Variants in PRKCZ observed in about 807,000 individuals in gnomAD.
The protein encoded by PRKCZ is protein kinase C zeta.
In PRKCZ, 33 loss-of-function variants were observed where a neutral mutation model predicts 79.5. The observed-to-expected ratio is 0.41, with a 90% CI of 0.31 to 0.55. The LOEUF is 0.55. Ranked by LOEUF, PRKCZ falls within the 20% of genes least tolerant of loss-of-function variation. PRKCZ has a pLI of 0.19. For missense variants in PRKCZ, 578 were observed against 813.5 expected, an observed-to-expected ratio of 0.71 and a Z score of 3.52; for synonymous variants, 342 against 320.9, an observed-to-expected ratio of 1.07 and a Z score of -0.70.
chr1:2,163,619 G>C (rs1324872139), intron 10 of PRKCZ, among the ~76,000 whole-genome samples: 1 of 152,170 alleles, frequency 6.6e-6, no homozygotes, highest in Non-Finnish European at 1.5e-5. Flanking sequence ...GGCCGGGTGC[G>C]GTGGCTCACG....
chr1:2,066,846 A>G (rs1016311403), intron 4 of PRKCZ, among the ~76,000 whole-genome samples: 1 of 152,250 alleles, frequency 6.6e-6, no homozygotes, highest in Non-Finnish European at 1.5e-5. Context: ...ACTTGAGGCC[A>G]GGAGTTGGAG....
At chr1:2,109,434 A>G (rs369663557) in intron 4 of PRKCZ, among the ~76,000 whole-genome samples, 10 of 152,316 alleles carry the variant, frequency 6.6e-5, no homozygotes, top group African/African-American at 2.4e-4. Flanking sequence ...TGCACACGAT[A>G]CCTGCTCCGT....
intron 5 of PRKCZ, chr1:2,142,614 T>C: frequency 4.4e-6 from 1 of 226,690 alleles, no homozygotes. Context: ...CCCACGGTCC[T>C]GGTGTGGCTC....
Position 2,163,695 on chromosome 1 carries a change from C to T in PRKCZ, c.975-5823C>T, listed in dbSNP as rs542056428. 3.0e-4 allele frequency among the ~76,000 whole-genome samples: 45 copies of T among 151,902 alleles called. No homozygotes were observed. The South Asian group carries it at 7.1e-3, about 24-fold the overall frequency. On this transcript the variant is annotated intron_variant, in intron 10 of 17. Coordinates refer to ENST00000378567, the MANE Select transcript of PRKCZ (RefSeq NM_002744.6). ...CACGAGGTCAGGAGATCAAGACCAT[C>T]CTCGCTAACACAGTGAAGCCCCGTC...
chr1:2,161,822 A>G lies in PRKCZ; in HGVS notation c.974+5730A>G, dbSNP rs150213047. Among the ~76,000 whole-genome samples the G allele has an allele frequency of 4.6e-3, 695 of 152,188 alleles. 2 individuals are homozygous for G. The highest frequency in any genetic ancestry group is 9.4e-3 in the Admixed American group (143 of 15,288). The stretch of plus-strand genomic sequence containing the variant: ...CATGGTTCCCAGGATGAGCAGGGAT[A>G]GGGGTGGCAGCCCTGGAGCCACCTG... On this transcript the variant is annotated intron_variant, in intron 10 of 17. Transcript: ENST00000378567.
At chr1:2,144,711 G>A in intron 6 of PRKCZ, 2 of 910,772 alleles carry the variant, frequency 2.2e-6, no homozygotes, top group Non-Finnish European at 2.7e-6. Flanking sequence ...GGCACGCTGA[G>A]GCTCCGAACA....
In PRKCZ at chr1:2,075,931, C is replaced by T. The variant is rs1662325993; in HGVS notation, c.334+16340C>T. Among the ~76,000 whole-genome samples, 1 of 152,242 alleles carries T rather than the reference C, an allele frequency of 6.6e-6. No homozygotes were observed. Among genetic ancestry groups the T allele is most frequent in the Non-Finnish European group, 1.5e-5 (1 of 68,036 alleles). ...CACACGTTTCTGATCGCCGAGGACT[C>T]AGCCGGGCACATGGAGGTTGAACTG... On this transcript the variant is annotated intron_variant, in intron 4 of 17. Transcript: ENST00000378567. This position sits in a 1 kb window ranked among gnomAD's most constrained non-coding sequence, Gnocchi z 4.8.
chr1:2,114,050 G>A (rs943922382), intron 4 of PRKCZ, among the ~76,000 whole-genome samples: 3 of 152,184 alleles, frequency 2.0e-5, no homozygotes, highest in African/African-American at 4.8e-5. Context: ...CGTGTGGCGC[G>A]TGGGTGAGGG....
At chr1:2,114,346 A>G (rs1178528111) in intron 4 of PRKCZ, among the ~76,000 whole-genome samples, 1 of 152,260 alleles carries the variant, frequency 6.6e-6, no homozygotes, top group Non-Finnish European at 1.5e-5. Context: ...GTTGGACAAA[A>G]AAGGAATATG....
chr1:2,050,811 C>T (rs1571052950), intron 1 of PRKCZ, 110 bp downstream of exon 1: 1 of 699,090 alleles, frequency 1.4e-6, no homozygotes, highest in African/African-American at 1.9e-5. Context: ...GCGGCGAGGT[C>T]GCTGCGGGCC....
rs1452858857 is a variant in PRKCZ, at chr1:2,094,460, C to T, written c.334+34869C>T. On this transcript the variant is annotated intron_variant, in intron 4 of 17. Coordinates refer to ENST00000378567, the MANE Select transcript of PRKCZ (RefSeq NM_002744.6). The surrounding 1 kb of genome is among the most constrained non-coding windows in gnomAD (Gnocchi z 7.3). ...TCTGAGGCACCCGCTGTGCCCGGCT[C>T]GTTGAACCTTGGGCGCTGCCCGTTC... Among the ~76,000 whole-genome samples the T allele has an allele frequency of 2.0e-5, 3 of 147,970 alleles. No individual in the cohort carries two copies. The highest frequency in any genetic ancestry group is 5.0e-5 in the African/African-American group (2 of 39,650).
intron 4 of PRKCZ, among the ~76,000 whole-genome samples, chr1:2,096,937 G>A (rs1391780051): frequency 6.6e-6 from 1 of 152,220 alleles, no homozygotes; most frequent in African/African-American, 2.4e-5. Context: ...GTCCTAACAG[G>A]GCTTGTCACT....
intron 4 of PRKCZ, among the ~76,000 whole-genome samples, chr1:2,115,489 C>T (rs891987609): frequency 2.0e-5 from 3 of 152,210 alleles, no homozygotes; most frequent in African/African-American, 4.8e-5. Flanking sequence ...GCCACTCTGG[C>T]GCCAGCTGGG....
chr1:2,158,568 T>A (rs1681575463), intron 10 of PRKCZ, among the ~76,000 whole-genome samples: 2 of 152,234 alleles, frequency 1.3e-5, no homozygotes, highest in Admixed American at 1.3e-4. Context: ...CCCTTGCGAT[T>A]TGGGAATACG....
intron 4 of PRKCZ, among the ~76,000 whole-genome samples, chr1:2,114,726 A>T (rs1670394073): frequency 6.6e-6 from 1 of 152,092 alleles, no homozygotes; most frequent in South Asian, 2.1e-4. Context: ...GTGGGCCGAG[A>T]TCGTGCCACT....
chr1:2,102,714 A>G (rs1436215509), intron 4 of PRKCZ, among the ~76,000 whole-genome samples: 3 of 152,004 alleles, frequency 2.0e-5, no homozygotes, highest in Non-Finnish European at 2.9e-5. Context: ...CTTTATTTCA[A>G]CTTTGTAGAA....
Position 2,176,301 on chromosome 1 carries a change from G to A in PRKCZ, c.1575+988G>A, listed in dbSNP as rs1222465857. On this transcript the variant is annotated intron_variant, in intron 16 of 17. Transcript: ENST00000378567. ...GGGTTTTGCCGGACTGTAGGCTGGC[G>A]TGTGTCTGTCAGGTTAAGGCAGGTA... is the stretch of plus-strand genomic sequence containing the variant. Among the ~76,000 whole-genome samples, 8 of 152,146 alleles carry A rather than the reference G, an allele frequency of 5.3e-5. No individual in the cohort carries two copies. In the East Asian group the frequency reaches 9.6e-4, roughly 18 times the overall value.
At chr1:2,104,639 A>G in intron 4 of PRKCZ, 2 of 971,130 alleles carry the variant, frequency 2.1e-6, no homozygotes, top group Non-Finnish European at 2.4e-6. Context: ...CCAGGCAGGG[A>G]GCATCCAGGG....
rs911573053 is a variant in PRKCZ at position 2,129,121 on chromosome 1, G to A, written c.335-6141G>A. Among the ~76,000 whole-genome samples the A allele has an allele frequency of 5.9e-5, 9 of 152,188 alleles. No individual in the cohort carries two copies. The East Asian group carries it at 9.7e-4, about 16-fold the overall frequency. On this transcript the variant is annotated intron_variant, in intron 4 of 17. Transcript: ENST00000378567. ...AAAGGCAGAGTGGCTGCCGGCCCGCGTGTCCAGGCCCCTTACACTGAGGGA... is the reference window on the plus strand; with the variant it reads ...AAAGGCAGAGTGGCTGCCGGCCCGCATGTCCAGGCCCCTTACACTGAGGGA...
Sources: allele counts gnomAD v4.1 joint callset (sites outside exome capture counted in the v4.1 genomes callset), GRCh38; gene constraint gnomAD v4.1.1; non-coding constraint Gnocchi (gnomAD v3.1); transcripts MANE v1.5; gene names NCBI Gene and HGNC (gene_info 2026-07-23, HGNC 2026-07-21).